Variants in TRHDE observed in about 807,000 individuals in gnomAD.
The protein encoded by TRHDE is thyrotropin releasing hormone degrading enzyme.
A neutral mutation model predicts 125.7 loss-of-function variants in TRHDE; 72 were observed. That is an observed-to-expected ratio of 0.57 (90% CI 0.47 to 0.70). TRHDE has a LOEUF of 0.70. Among genes scored for constraint, TRHDE ranks in the 30% least tolerant of loss-of-function variants. The pLI is 0.00. For synonymous variants in TRHDE, 509 were observed against 509.1 expected (o/e 1.00, Z 0.00); for missense variants, 1,110 against 1,327.1 (o/e 0.84, Z 2.54).
chr12:72,167,929 C>A (rs868008168), intron 2 of TRHDE, among the ~76,000 whole-genome samples: 1 of 152,200 alleles, frequency 6.6e-6, no homozygotes, highest in African/African-American at 2.4e-5. Flanking sequence ...AACTGGAAGA[C>A]GAAACTATCA....
rs558485651 is a variant in TRHDE, at chr12:72,218,134, GA to G, written n.279+112383del. ...AATAAAGATACTAATGTGAGTTATA[GA>G]TAATATAGGCACAGAAAAAATGTGA... On this transcript the variant is annotated intron_variant and non_coding_transcript_variant, in intron 2 of 4. Coordinates refer to the TRHDE transcript ENST00000548156. 6.0e-4 allele frequency among the ~76,000 whole-genome samples: 91 copies of G among 152,188 alleles called. 1 individual carries two copies. Among genetic ancestry groups the G allele is most frequent in the African/African-American group, 2.0e-3 (82 of 41,550 alleles).
intron 2 of TRHDE, among the ~76,000 whole-genome samples, chr12:72,158,305 C>T (rs1367334071): frequency 6.6e-6 from 1 of 151,384 alleles, no homozygotes; most frequent in Non-Finnish European, 1.5e-5. Flanking sequence ...CACTTGTACC[C>T]CGTGAATCTA....
At chr12:72,636,468 C>T (rs1425641301) in intron 15 of TRHDE, among the ~76,000 whole-genome samples, 2 of 151,258 alleles carry the variant, frequency 1.3e-5, no homozygotes, top group Non-Finnish European at 2.9e-5. Context: ...ATTTGACTTC[C>T]TCTTTTCCTA....
chr12:72,270,100 G>T (rs1216433008), upstream of TRHDE, among the ~76,000 whole-genome samples: 2 of 152,154 alleles, frequency 1.3e-5, no homozygotes, highest in African/African-American at 4.8e-5. Flanking sequence ...TTACTTGCTT[G>T]CACTATAGTT....
intron 12 of TRHDE, among the ~76,000 whole-genome samples, chr12:72,614,198 T>C (rs1872726496): frequency 1.3e-5 from 2 of 151,872 alleles, no homozygotes; most frequent in South Asian, 2.1e-4. Flanking sequence ...AACATGAGAA[T>C]TGGGCAGGGA....
chr12:72,428,508 A>AT (rs1473862363), intron 3 of TRHDE, among the ~76,000 whole-genome samples: 4 of 152,060 alleles, frequency 2.6e-5, no homozygotes, highest in African/African-American at 9.7e-5. Context: ...GCCTGGATTA[A>AT]TTTTTTTAAT....
chr12:72,611,127 G>A (rs1263097046), intron 12 of TRHDE: 1 of 172,176 alleles, frequency 5.8e-6, no homozygotes, highest in African/African-American at 2.4e-5. Context: ...TCACCACTGA[G>A]CAATATCAGA....
At chr12:72,447,841 A>G (rs1423781409) in intron 3 of TRHDE, among the ~76,000 whole-genome samples, 1 of 152,036 alleles carries the variant, frequency 6.6e-6, no homozygotes, top group African/African-American at 2.4e-5. Flanking sequence ...ATTCTAAGGT[A>G]CAGCACAGCT....
intron 2 of TRHDE, among the ~76,000 whole-genome samples, chr12:72,369,700 A>T (rs935762794): frequency 1.3e-5 from 2 of 152,114 alleles, no homozygotes; most frequent in African/African-American, 4.8e-5. Flanking sequence ...TTGACCCTCC[A>T]GTCCCTGCAT....
chr12:72,480,024 G>A (rs1195330548), intron 5 of TRHDE, among the ~76,000 whole-genome samples: 1 of 149,884 alleles, frequency 6.7e-6, no homozygotes, highest in Non-Finnish European at 1.5e-5. Flanking sequence ...AGTATTCCAT[G>A]GTGTATATGT....
chr12:72,162,222 A>G (rs1321753942), intron 2 of TRHDE, among the ~76,000 whole-genome samples: 1 of 152,248 alleles, frequency 6.6e-6, no homozygotes, highest in African/African-American at 2.4e-5. Context: ...AGCAGAAACA[A>G]TATTCCTAGA....
intron 2 of TRHDE, among the ~76,000 whole-genome samples, chr12:72,346,409 G>A (rs1045085346): frequency 9.9e-5 from 15 of 151,854 alleles, no homozygotes; most frequent in South Asian, 4.1e-4. Flanking sequence ...AAAATCCAGC[G>A]GGCACACTCT....
intron 8 of TRHDE, 131 bp downstream of exon 8, chr12:72,562,361 G>T: frequency 2.1e-6 from 1 of 481,480 alleles, no homozygotes; most frequent in Non-Finnish European, 3.7e-6. Flanking sequence ...TGTTCATATT[G>T]ATTTTTTGTT....
At chr12:72,523,936 G>T (rs543443381) in intron 6 of TRHDE, among the ~76,000 whole-genome samples, 1 of 152,264 alleles carries the variant, frequency 6.6e-6, no homozygotes, top group South Asian at 2.1e-4. Context: ...GCAGAAGCCG[G>T]AAGTGAAAGC....
intron 2 of TRHDE, among the ~76,000 whole-genome samples, chr12:72,312,148 A>G (rs189613875): frequency 7.2e-5 from 11 of 152,334 alleles, no homozygotes; most frequent in Admixed American, 7.2e-4. Context: ...GTCCAGGGTC[A>G]CACAGCTAGT....
intron 2 of TRHDE, among the ~76,000 whole-genome samples, chr12:72,195,575 A>G (rs143347290): frequency 6.6e-6 from 1 of 151,716 alleles, no homozygotes; most frequent in Admixed American, 6.6e-5. Context: ...ATGTCTTTTG[A>G]CCATTTTTCA....
At chr12:72,589,714 A>T (rs1871590444) in intron 12 of TRHDE, among the ~76,000 whole-genome samples, 2 of 151,922 alleles carry the variant, frequency 1.3e-5, no homozygotes, top group South Asian at 4.2e-4. Flanking sequence ...ATATTCTCTT[A>T]TTATTCTTAT....
chr12:72,456,630 C>A (rs908392697), intron 3 of TRHDE, among the ~76,000 whole-genome samples: 1 of 151,842 alleles, frequency 6.6e-6, no homozygotes, highest in Non-Finnish European at 1.5e-5. Flanking sequence ...TGGCTCCTGG[C>A]AATTTTCTAT....
At chr12:72,313,794 G>A (rs899330998) in intron 2 of TRHDE, among the ~76,000 whole-genome samples, 17 of 152,150 alleles carry the variant, frequency 1.1e-4, no homozygotes, top group African/African-American at 4.1e-4. Flanking sequence ...AACTTTCAAA[G>A]CTAGAGATAT....
Sources: gnomAD v4.1 joint callset for allele counts (sites outside exome capture counted in the v4.1 genomes callset) on GRCh38, gnomAD v4.1.1 for gene constraint, MANE v1.5 for transcripts, NCBI Gene and HGNC (gene_info 2026-07-23, HGNC 2026-07-21) for gene names.